Variants in DCLK2 observed in about 807,000 individuals in gnomAD.
DCLK2 encodes serine/threonine-protein kinase DCLK2.
Under a neutral mutation model 78.4 loss-of-function variants are expected in DCLK2, and 31 were observed. The ratio of observed to expected loss-of-function variants is 0.40; its 90% CI spans 0.30 to 0.53. DCLK2 has a LOEUF of 0.53. Among genes scored for constraint, DCLK2 ranks in the 20% least tolerant of loss-of-function variants. DCLK2 has a pLI of 0.61. For synonymous variants in DCLK2, 407 were observed against 374.9 expected (o/e 1.09, Z -0.99); for missense variants, 872 against 973.7 (o/e 0.90, Z 1.39).
intron 5 of DCLK2, among the ~76,000 whole-genome samples, chr4:150,205,188 A>C (rs1739762072): frequency 6.6e-6 from 1 of 152,134 alleles, no homozygotes; most frequent in East Asian, 1.9e-4. Context: ...GAGGAGTGGG[A>C]ACCTGCCAAG....
intron 2 of DCLK2, among the ~76,000 whole-genome samples, chr4:150,160,019 TTG>T (rs1553962433): frequency 6.6e-6 from 1 of 151,840 alleles, no homozygotes; most frequent in African/African-American, 2.4e-5. Flanking sequence ...TTTATTATTT[TTG>T]TGTGTGTGTG....
chr4:150,252,589 C>T (rs759254803), intron 15 of DCLK2, among the ~76,000 whole-genome samples: 1 of 152,196 alleles, frequency 6.6e-6, no homozygotes, highest in Non-Finnish European at 1.5e-5. Context: ...GATAATGACG[C>T]TTAGACCCCC....
intron 12 of DCLK2, among the ~76,000 whole-genome samples, chr4:150,247,264 A>G (rs534360582): frequency 1.8e-4 from 27 of 152,332 alleles, no homozygotes; most frequent in Non-Finnish European, 3.5e-4. Flanking sequence ...CGTACAGTTC[A>G]GTACCACTAA....
At chr4:150,081,435 G>A (rs1385557376) in intron 1 of DCLK2, among the ~76,000 whole-genome samples, 1 of 152,036 alleles carries the variant, frequency 6.6e-6, no homozygotes, top group Non-Finnish European at 1.5e-5. Flanking sequence ...TTTAGTGGAT[G>A]GGGATTTGGA....
chr4:150,219,095 T>G (rs1469496202), intron 5 of DCLK2, among the ~76,000 whole-genome samples: 1 of 151,836 alleles, frequency 6.6e-6, no homozygotes, highest in Non-Finnish European at 1.5e-5. Flanking sequence ...TCCCAGCTAC[T>G]TGGGAGACTG....
intron 12 of DCLK2, among the ~76,000 whole-genome samples, chr4:150,243,868 T>C (rs1743102291): frequency 2.5e-5 from 1 of 39,300 alleles, no homozygotes; most frequent in African/African-American, 5.9e-5. Context: ...TGCCCAGCTT[T>C]TTTTTTTTTT....
chr4:150,138,916 G>A (rs943164438), intron 2 of DCLK2, among the ~76,000 whole-genome samples: 6 of 151,830 alleles, frequency 4.0e-5, no homozygotes, highest in African/African-American at 1.2e-4. Flanking sequence ...TGCCCGCCTT[G>A]GCCTCCCAAA....
At chr4:150,157,528 T>C (rs1004016545) in intron 2 of DCLK2, among the ~76,000 whole-genome samples, 1 of 138,602 alleles carries the variant, frequency 7.2e-6, no homozygotes, top group Non-Finnish European at 1.6e-5. Context: ...TTTGTTTGTT[T>C]TTGAGCTGGA....
chr4:150,251,846 C>T (rs1008247205), intron 15 of DCLK2, among the ~76,000 whole-genome samples: 1 of 150,894 alleles, frequency 6.6e-6, no homozygotes, highest in Non-Finnish European at 1.5e-5. Context: ...GGCCGTCATT[C>T]TCTTCTGTCC....
intron 2 of DCLK2, among the ~76,000 whole-genome samples, chr4:150,116,920 T>G (rs1732137165): frequency 6.6e-6 from 1 of 152,048 alleles, no homozygotes; most frequent in African/African-American, 2.4e-5. Context: ...GAGTGCCAGC[T>G]GTGGTGGTGG....
At chr4:150,143,310 G>A (rs1185577144) in intron 2 of DCLK2, among the ~76,000 whole-genome samples, 1 of 152,066 alleles carries the variant, frequency 6.6e-6, no homozygotes, top group Non-Finnish European at 1.5e-5. Flanking sequence ...CACTTAGGTT[G>A]GTGTCATAAC....
chr4:150,207,651 T>A (rs1739939385), intron 5 of DCLK2, among the ~76,000 whole-genome samples: 1 of 152,212 alleles, frequency 6.6e-6, no homozygotes, highest in Non-Finnish European at 1.5e-5. Flanking sequence ...AACTTGTGAA[T>A]GATTTTTTTG....
intron 2 of DCLK2, among the ~76,000 whole-genome samples, chr4:150,178,577 T>G (rs1458771774): frequency 6.6e-6 from 1 of 152,190 alleles, no homozygotes; most frequent in African/African-American, 2.4e-5. Flanking sequence ...TTATGTTGGT[T>G]TGAAAATGAA....
rs538652769 is a variant in DCLK2 at position 150,213,188 on chromosome 4, A to G, written c.1057-7515A>G. On this transcript the variant is annotated intron_variant, in intron 5 of 15. Transcript: ENST00000296550. The stretch of plus-strand genomic sequence containing the variant: ...TGGTTTCTGTATTTGGAAGAACAGG[A>G]AAGCAGAAGTTGGGCTCCACACTGC... Among the ~76,000 whole-genome samples the G allele has an allele frequency of 2.6e-5, 4 of 152,326 alleles. No homozygotes were observed. The South Asian group carries it at 8.3e-4, about 32-fold the overall frequency.
At chr4:150,212,419 G>C (rs1443790438) in intron 5 of DCLK2, among the ~76,000 whole-genome samples, 2 of 152,182 alleles carry the variant, frequency 1.3e-5, no homozygotes, top group African/African-American at 4.8e-5. Context: ...GCTGACCTTA[G>C]ACATTTTTGC....
At chr4:150,225,104 A>G (rs1741502034) in intron 8 of DCLK2, among the ~76,000 whole-genome samples, 1 of 152,206 alleles carries the variant, frequency 6.6e-6, no homozygotes, top group African/African-American at 2.4e-5. Context: ...GGAAACCCTC[A>G]GTCTTAGGAG....
intron 12 of DCLK2, among the ~76,000 whole-genome samples, chr4:150,245,516 C>T (rs993417515): frequency 6.6e-6 from 1 of 152,190 alleles, no homozygotes; most frequent in Non-Finnish European, 1.5e-5. Flanking sequence ...TATCCCTCCC[C>T]CTTCCCCTAC....
At chr4:150,135,560 G>A (rs1329955116) in intron 2 of DCLK2, among the ~76,000 whole-genome samples, 1 of 152,180 alleles carries the variant, frequency 6.6e-6, no homozygotes, top group African/African-American at 2.4e-5. Context: ...CGTGTGATAG[G>A]TGTTGTGAAA....
chr4:150,086,600 G>A (rs1330800286), intron 1 of DCLK2, among the ~76,000 whole-genome samples: 4 of 151,356 alleles, frequency 2.6e-5, no homozygotes, highest in African/African-American at 4.9e-5. Flanking sequence ...TCCGCCTCCC[G>A]GGTTCACGCC....
Sources: allele counts gnomAD v4.1 joint callset (sites outside exome capture counted in the v4.1 genomes callset), GRCh38; gene constraint gnomAD v4.1.1; transcripts MANE v1.5; gene names NCBI Gene and HGNC (gene_info 2026-07-23, HGNC 2026-07-21).